The following MDM1 variants were observed in gnomAD, a reference collection of about 807,000 sequenced individuals.
MDM1 encodes the protein Mdm1 nuclear protein.
Under a neutral mutation model 89.1 loss-of-function variants are expected in MDM1, and 61 were observed. The observed-to-expected ratio is 0.68, with a 90% CI of 0.56 to 0.85. The LOEUF (loss-of-function observed/expected upper bound fraction) is 0.85, where lower values mean the gene tolerates loss of function less well. Among genes scored for constraint, MDM1 ranks in the 40% least tolerant of loss-of-function variants. The pLI, the probability that MDM1 is intolerant of heterozygous loss-of-function variation, is 0.00. For missense variants in MDM1, 820 were observed against 846.5 expected, an observed-to-expected ratio of 0.97 and a Z score of 0.39; for synonymous variants, 290 against 294.1, an observed-to-expected ratio of 0.99 and a Z score of 0.14.
chr12:68,331,034 C>T, intron 2 of MDM1, 73 bp downstream of exon 2: 3 of 841,090 alleles, frequency 3.6e-6, no homozygotes, highest in Non-Finnish European at 6.1e-6. Context: ...TTTACTTAGC[C>T]CAAGTTATAA....
chr12:68,309,681 C>A (rs1188802580), intron 12 of MDM1, among the ~76,000 whole-genome samples: 2 of 152,146 alleles, frequency 1.3e-5, no homozygotes, highest in Non-Finnish European at 2.9e-5. Flanking sequence ...AGTTTTGGGA[C>A]ATACTGATAA....
Position 68,302,795 on chromosome 12 carries a change from T to C in MDM1, c.1827A>G (p.Glu609=), listed in dbSNP as rs199893833. Residue 609 remains glutamate (E), a synonymous_variant, in exon 13 of 15, where the codon GAA becomes GAG. Coordinates refer to ENST00000682720, the MANE Select transcript of MDM1 (RefSeq NM_001354969.2). ...IKTVDPLPLR[E]DSEDNIHKFA... ...ATTTGTGGATATTGTCTTCAGAATCTTCCCGCAAAGGCAGAGGATCAACTG... is the reference window on the plus strand; with the variant it reads ...ATTTGTGGATATTGTCTTCAGAATCCTCCCGCAAAGGCAGAGGATCAACTG... 1.1e-4 allele frequency: 174 copies of C among 1,613,076 alleles called. No individual in the cohort carries two copies. The highest frequency in any genetic ancestry group is 1.4e-4 in the Non-Finnish European group (165 of 1,179,912).
In MDM1 at chr12:68,326,829, G is replaced by T; in HGVS notation, c.326C>A (p.Ser109Ter). ...QKDVTQERVHSLEASRVPKRT... is the reference protein window; with the variant it reads ...QKDVTQERVH ...TTTGGGAACCCTGGAAGCTTCTAGT[G>T]AGTGAACTCTTTCTTGAGTAACATC... The change falls in exon 3 of 15, where the codon TCA becomes TAA. Residue 109 changes from serine (S) to a stop codon, truncating the protein, a stop_gained. Coordinates refer to ENST00000682720, the MANE Select transcript of MDM1 (RefSeq NM_001354969.2). LOFTEE classifies it high-confidence loss of function. 1 of 1,613,930 alleles carries T rather than the reference G, an allele frequency of 6.2e-7. No individual in the cohort carries two copies. Among genetic ancestry groups the T allele is most frequent in the South Asian group, 1.1e-5 (1 of 91,066 alleles).
In MDM1 at chr12:68,295,486, A is replaced by G. The variant is rs1871254509; in HGVS notation, c.2063-120T>C. ...CTGTGTTATCAATGTCAAGTTAGTC[A>G]GGAAAAAAAGTAATCTACTGAAATG... On this transcript the variant is annotated intron_variant, in intron 14 of 14. Coordinates refer to ENST00000682720, the MANE Select transcript of MDM1 (RefSeq NM_001354969.2). 11 of 617,070 alleles carry G rather than the reference A, an allele frequency of 1.8e-5. No individual in the cohort carries two copies. In the East Asian group the frequency reaches 3.5e-4, roughly 20 times the overall value. The allele number at this position is 617,070 out of a possible 1,614,324, so 38.2% of individuals were successfully genotyped here.
intron 7 of MDM1, among the ~76,000 whole-genome samples, chr12:68,318,055 C>A (rs1874727476): frequency 6.6e-6 from 1 of 152,226 alleles, no homozygotes; most frequent in Non-Finnish European, 1.5e-5. Context: ...ACTGAGCCCA[C>A]AACCTGTCCT....
intron 6 of MDM1, 33 bp from the exon 7 acceptor site, chr12:68,321,479 C>A (rs762618952): frequency 1.2e-6 from 2 of 1,605,998 alleles, no homozygotes; most frequent in South Asian, 1.1e-5. Context: ...AAATATTTCA[C>A]CATGTTAATC....
intron 3 of MDM1, 179 bp downstream of exon 3, chr12:68,326,478 G>A (rs747114361): frequency 5.9e-5 from 89 of 1,507,234 alleles, no homozygotes; most frequent in Non-Finnish European, 7.9e-5. Context: ...CGAGTAGTCA[G>A]AATAGAACTA....
At chr12:68,325,910 C>A in intron 3 of MDM1, 1 of 1,002,830 alleles carries the variant, frequency 1.0e-6, no homozygotes, top group Non-Finnish European at 1.2e-6. Context: ...CTCACCTGCA[C>A]ACTGCTTCTA....
At chr12:68,322,044 CAAT>C (rs1875300094) in intron 5 of MDM1, among the ~76,000 whole-genome samples, 1 of 151,896 alleles carries the variant, frequency 6.6e-6, no homozygotes, top group Admixed American at 6.6e-5. Flanking sequence ...TTTTTTTCTC[CAAT>C]AATATCATAG....
At position 68,331,974 on chromosome 12, in the gene MDM1, G is replaced by A. The variant is rs748407258; in HGVS notation, c.18+254C>T. The stretch of plus-strand genomic sequence containing the variant: ...CTCCTCCCATCTCCACTCCTCTTGA[G>A]TCCCCCTAAGTAAATGTGTCTCGCA... On this transcript the variant is annotated intron_variant, in intron 1 of 14. Coordinates refer to ENST00000682720, the MANE Select transcript of MDM1 (RefSeq NM_001354969.2). The A allele has an allele frequency of 4.3e-6, 3 of 695,750 alleles. No individual in the cohort carries two copies. The South Asian group carries it at 4.5e-5, about 10-fold the overall frequency. 43.1% of individuals were successfully genotyped at this position (695,750 alleles called of 1,614,324 possible).
intron 13 of MDM1, among the ~76,000 whole-genome samples, chr12:68,301,622 A>G (rs1299513451): frequency 1.3e-5 from 2 of 152,234 alleles, no homozygotes; most frequent in South Asian, 2.1e-4. Context: ...CACAAAAGAT[A>G]GAAGATAAAA....
chr12:68,313,234 C>T (rs879469298), intron 12 of MDM1, among the ~76,000 whole-genome samples: 1 of 152,172 alleles, frequency 6.6e-6, no homozygotes, highest in African/African-American at 2.4e-5. Flanking sequence ...TGAGTCACTA[C>T]TGACAAGGTT....
intron 14 of MDM1, among the ~76,000 whole-genome samples, chr12:68,295,574 CA>C: frequency 6.6e-6 from 1 of 152,306 alleles, no homozygotes; most frequent in Admixed American, 6.5e-5. Context: ...ATATAGAAAT[CA>C]AACCTTTTAA....
At chr12:68,329,435 C>CT (rs1456296088) in intron 2 of MDM1, among the ~76,000 whole-genome samples, 1 of 152,194 alleles carries the variant, frequency 6.6e-6, no homozygotes, top group Non-Finnish European at 1.5e-5. Flanking sequence ...ATTTATGTGA[C>CT]TTACATGCCA....
chr12:68,299,867 A>C (rs915560255), intron 13 of MDM1, among the ~76,000 whole-genome samples: 2 of 152,192 alleles, frequency 1.3e-5, no homozygotes, highest in African/African-American at 2.4e-5. Context: ...AAAGATCATC[A>C]CCAAGGCACA....
At chr12:68,298,650 G>A (rs1871738184) in intron 13 of MDM1, among the ~76,000 whole-genome samples, 1 of 152,104 alleles carries the variant, frequency 6.6e-6, no homozygotes, top group Admixed American at 6.6e-5. Context: ...TACTTGGATA[G>A]CATTCTCACC....
chr12:68,330,222 G>C (rs1329978092), intron 2 of MDM1, among the ~76,000 whole-genome samples: 1 of 152,134 alleles, frequency 6.6e-6, no homozygotes, highest in Non-Finnish European at 1.5e-5. Flanking sequence ...CCACAGTTAA[G>C]GGACTTTGGT....
chr12:68,316,200 C>A lies in MDM1; in HGVS notation c.1089G>T (p.Thr363=). The stretch of plus-strand genomic sequence containing the variant: ...GATTCAGATGGTCCCGAGAAAAATG[C>A]GTCCCCTGAACTCGCTTCCTATAAA... ...AEFYRKRVQG[T]HFSRDHLNQI... is the part of the protein sequence containing the mutation. The change falls in exon 9 of 15, where the codon ACG becomes ACT. Residue 363 remains threonine (T), a synonymous_variant. Transcript: ENST00000682720. 1.2e-6 allele frequency: 2 copies of A among 1,613,878 alleles called. No homozygotes were observed. Among genetic ancestry groups the A allele is most frequent in the East Asian group, 2.2e-5 (1 of 44,878 alleles).
intron 2 of MDM1, chr12:68,327,566 A>C: frequency 6.8e-7 from 1 of 1,476,852 alleles, no homozygotes; most frequent in East Asian, 2.5e-5. Flanking sequence ...CAATTTCTCT[A>C]TATTTCTGTA....
Sources: allele counts gnomAD v4.1 joint callset (sites outside exome capture counted in the v4.1 genomes callset), GRCh38; gene constraint gnomAD v4.1.1; transcripts MANE v1.5; gene names NCBI Gene and HGNC (gene_info 2026-07-23, HGNC 2026-07-21).